ENOX1: variants seen among roughly 807,000 people sequenced by gnomAD.
The protein encoded by ENOX1 is candidate growth-related and time keeping constitutive hydroquinone (NADH) oxidase.
In ENOX1, 42 loss-of-function variants were observed where a neutral mutation model predicts 82.5. The observed-to-expected ratio is 0.51, with a 90% CI of 0.40 to 0.66. The LOEUF (loss-of-function observed/expected upper bound fraction) is 0.66, where lower values mean the gene tolerates loss of function less well. Ranked by LOEUF, ENOX1 falls within the 30% of genes least tolerant of loss-of-function variation. The probability of loss-of-function intolerance (pLI) is 0.00; values close to 1 mark genes in which losing one functional copy is unlikely to be tolerated. For missense variants in ENOX1, 608 were observed against 811.6 expected (o/e 0.75, Z 3.05); for synonymous variants, 271 against 282.2 (o/e 0.96, Z 0.40).
chr13:43,662,845 T>C (rs1193702642), intron 2 of ENOX1, among the ~76,000 whole-genome samples: 1 of 152,202 alleles, frequency 6.6e-6, no homozygotes, highest in Non-Finnish European at 1.5e-5. Context: ...GTTATAAAAA[T>C]AACTTGTGAT....
chr13:43,544,137 C>T (rs988278345), intron 2 of ENOX1: 2 of 152,044 alleles, frequency 1.3e-5, no homozygotes, highest in Non-Finnish European at 2.9e-5. Flanking sequence ...GCATTGGCCT[C>T]CCAAAGTGTT....
intron 3 of ENOX1, among the ~76,000 whole-genome samples, chr13:43,458,703 T>A (rs907020567): frequency 1.3e-5 from 2 of 152,206 alleles, no homozygotes; most frequent in African/African-American, 2.4e-5. Flanking sequence ...TCTATTTAAC[T>A]ACAAAATTAG....
intron 1 of ENOX1, among the ~76,000 whole-genome samples, chr13:43,681,308 G>A (rs990484225): frequency 6.6e-6 from 1 of 152,096 alleles, no homozygotes; most frequent in Admixed American, 6.6e-5. Context: ...CTAAGGGCCT[G>A]TAAGACAAAG....
chr13:43,555,273 C>T (rs769354668), intron 2 of ENOX1, among the ~76,000 whole-genome samples: 2 of 152,214 alleles, frequency 1.3e-5, no homozygotes, highest in African/African-American at 4.8e-5. Context: ...CTAGCATCAG[C>T]CGTATATGTG....
At chr13:43,593,142 T>A (rs1321723702) in intron 2 of ENOX1, among the ~76,000 whole-genome samples, 1 of 152,148 alleles carries the variant, frequency 6.6e-6, no homozygotes, top group Non-Finnish European at 1.5e-5. Flanking sequence ...CAGCCTAGAG[T>A]CTGACAAAGA....
chr13:43,419,685 T>C lies in ENOX1; in HGVS notation c.-74-6697A>G, dbSNP rs77062755. 5.2e-3 allele frequency among the ~76,000 whole-genome samples: 785 copies of C among 152,314 alleles called. 7 individuals carry two copies. Among genetic ancestry groups the C allele is most frequent in the African/African-American group, 0.018 (754 of 41,572 alleles). On this transcript the variant is annotated intron_variant, in intron 3 of 16. Coordinates refer to ENST00000690772, the MANE Select transcript of ENOX1 (RefSeq NM_001347969.2). ...TTCTTAATGTCTTGTAAACAGTTGA[T>C]ACCAGGCCAGGCACGGTGGCTCATG...
At chr13:43,309,042 T>C (rs75904067) in intron 11 of ENOX1, among the ~76,000 whole-genome samples, 3 of 113,058 alleles carry the variant, frequency 2.7e-5, no homozygotes, top group Admixed American at 8.9e-5. Flanking sequence ...TTTTTTTTTT[T>C]TTCCAGAGTC....
intron 2 of ENOX1, among the ~76,000 whole-genome samples, chr13:43,563,389 C>G (rs1325788033): frequency 6.6e-6 from 1 of 151,850 alleles, no homozygotes; most frequent in Non-Finnish European, 1.5e-5. Context: ...ACAGAGAAAA[C>G]AGTTAGAAAA....
intron 5 of ENOX1, among the ~76,000 whole-genome samples, chr13:43,382,825 G>C (rs1422172427): frequency 6.6e-6 from 1 of 151,976 alleles, no homozygotes; most frequent in Non-Finnish European, 1.5e-5. Flanking sequence ...AGATACTTTA[G>C]GTCATAGGTA....
intron 1 of ENOX1, among the ~76,000 whole-genome samples, chr13:43,716,700 A>G (rs112778496): frequency 5.3e-5 from 8 of 152,152 alleles, no homozygotes; most frequent in African/African-American, 1.9e-4. Context: ...ATATAAAGTC[A>G]ATGTACAAAA....
At chr13:43,662,890 A>G (rs1404537560) in intron 2 of ENOX1, among the ~76,000 whole-genome samples, 1 of 152,238 alleles carries the variant, frequency 6.6e-6, no homozygotes, top group Non-Finnish European at 1.5e-5. Flanking sequence ...AATATGCAGC[A>G]TCTATTCAAA....
At chr13:43,759,457 G>A (rs1240684112) in intron 1 of ENOX1, among the ~76,000 whole-genome samples, 1 of 152,056 alleles carries the variant, frequency 6.6e-6, no homozygotes, top group African/African-American at 2.4e-5. Flanking sequence ...AAGAGTCATA[G>A]AACCTCGGAG....
At chr13:43,278,435 T>C (rs1050722632) in intron 12 of ENOX1, among the ~76,000 whole-genome samples, 7 of 152,174 alleles carry the variant, frequency 4.6e-5, no homozygotes, top group Non-Finnish European at 8.8e-5. Flanking sequence ...GCAAAGACGA[T>C]GAACTAGAAC....
intron 2 of ENOX1, among the ~76,000 whole-genome samples, chr13:43,654,661 A>C (rs1224062306): frequency 1.3e-5 from 2 of 152,222 alleles, no homozygotes; most frequent in African/African-American, 4.8e-5. Context: ...CTTGATATCC[A>C]TTTAAAGAAT....
At chr13:43,754,161 T>C (rs1486889556) in intron 1 of ENOX1, among the ~76,000 whole-genome samples, 1 of 148,316 alleles carries the variant, frequency 6.7e-6, no homozygotes, top group Non-Finnish European at 1.5e-5. Flanking sequence ...CATATGTATA[T>C]ATGTATACAT....
chr13:43,616,502 G>A (rs984574745), intron 2 of ENOX1, among the ~76,000 whole-genome samples: 11 of 151,300 alleles, frequency 7.3e-5, no homozygotes, highest in African/African-American at 2.4e-4. Flanking sequence ...ATACCCAGCC[G>A]ACATATAATA....
At chr13:43,404,558 C>T (rs1451972714) in intron 5 of ENOX1, among the ~76,000 whole-genome samples, 2 of 152,176 alleles carry the variant, frequency 1.3e-5, no homozygotes, top group African/African-American at 2.4e-5. Flanking sequence ...TCCAATACCT[C>T]CAAACAAAGT....
At chr13:43,449,269 T>C (rs764960525) in intron 3 of ENOX1, among the ~76,000 whole-genome samples, 20 of 152,164 alleles carry the variant, frequency 1.3e-4, no homozygotes, top group Admixed American at 3.9e-4. Context: ...ATTAGGTTTC[T>C]TGGAAAAGGG....
At chr13:43,269,922 G>A (rs561100475) in intron 12 of ENOX1, among the ~76,000 whole-genome samples, 17 of 152,258 alleles carry the variant, frequency 1.1e-4, no homozygotes, top group African/African-American at 2.9e-4. Context: ...CTTGTCCAAC[G>A]TTGCTTCATT....
Sources: allele counts gnomAD v4.1 joint callset (sites outside exome capture counted in the v4.1 genomes callset), GRCh38; gene constraint gnomAD v4.1.1; transcripts MANE v1.5; gene names NCBI Gene and HGNC (gene_info 2026-07-23, HGNC 2026-07-21).